The following PPP3CA variants were observed in gnomAD, a reference collection of about 807,000 sequenced individuals.
PPP3CA encodes the protein protein phosphatase 3 catalytic subunit alpha.
A neutral mutation model predicts 66.5 loss-of-function variants in PPP3CA; 14 were observed. The observed-to-expected ratio is 0.21, with a 90% confidence interval of 0.14 to 0.33. PPP3CA has a LOEUF of 0.33. PPP3CA is among the 10% of genes least tolerant of loss of function. PPP3CA has a pLI of 1.00. For synonymous variants in PPP3CA, 232 were observed against 226.2 expected, an observed-to-expected ratio of 1.03 and a Z score of -0.23; for missense variants, 317 against 639.5, an observed-to-expected ratio of 0.50 and a Z score of 5.44.
chr4:101,262,052 A>G (rs1261226281), intron 1 of PPP3CA, among the ~76,000 whole-genome samples: 1 of 152,160 alleles, frequency 6.6e-6, no homozygotes, highest in African/African-American at 2.4e-5. Flanking sequence ...GAATTATTCA[A>G]TGAATTAAAA....
chr4:101,026,067 C>A lies in PPP3CA; in HGVS notation c.1370-6G>T. 3 of 1,572,620 alleles carry A rather than the reference C, an allele frequency of 1.9e-6. No individual in the cohort carries two copies. Among genetic ancestry groups the A allele is most frequent in the East Asian group, 2.3e-5 (1 of 44,230 alleles). On this transcript the variant is annotated splice_region_variant and splice_polypyrimidine_tract_variant and intron_variant, in intron 13 of 13. Coordinates refer to ENST00000394854, the MANE Select transcript of PPP3CA (RefSeq NM_000944.5). ...TGGTGAAAATCCTTTGATAGCTAAA[C>A]AGAAAATCATTAAAAAAAGAAAACC...
At chr4:101,341,607 A>G (rs1729820483) in intron 1 of PPP3CA, among the ~76,000 whole-genome samples, 1 of 151,982 alleles carries the variant, frequency 6.6e-6, no homozygotes, top group African/African-American at 2.4e-5. Flanking sequence ...CACACTCCCC[A>G]TTTCCCATTT....
intron 3 of PPP3CA, among the ~76,000 whole-genome samples, chr4:101,105,581 C>CA (rs1730628752): frequency 6.7e-6 from 1 of 150,256 alleles, no homozygotes; most frequent in South Asian, 2.1e-4. Flanking sequence ...AGAAAAAAAA[C>CA]AAAAAACAAA....
intron 2 of PPP3CA, among the ~76,000 whole-genome samples, chr4:101,132,577 A>G (rs1256191794): frequency 6.6e-6 from 1 of 152,224 alleles, no homozygotes; most frequent in Non-Finnish European, 1.5e-5. Flanking sequence ...GAATAGACCA[A>G]TAACAAGTCT....
At chr4:101,103,030 C>T (rs1730517340) in intron 3 of PPP3CA, among the ~76,000 whole-genome samples, 1 of 141,954 alleles carries the variant, frequency 7.0e-6, no homozygotes, top group African/African-American at 2.5e-5. Context: ...ATTTTTGCCA[C>T]AGACATAGCT....
chr4:101,293,535 A>G (rs577998636), intron 1 of PPP3CA, among the ~76,000 whole-genome samples: 14 of 152,334 alleles, frequency 9.2e-5, no homozygotes, highest in African/African-American at 3.4e-4. Context: ...GGAATGGCCC[A>G]CAACTTCCCT....
chr4:101,058,649 T>C (rs923365078), intron 10 of PPP3CA, among the ~76,000 whole-genome samples: 1 of 152,200 alleles, frequency 6.6e-6, no homozygotes, highest in African/African-American at 2.4e-5. Context: ...GCACAGCACA[T>C]TGATTAGAAC....
rs193200267 is a variant in PPP3CA at position 101,311,803 on chromosome 4, T to C, written c.58+34936A>G. On this transcript the variant is annotated intron_variant, in intron 1 of 13. Transcript: ENST00000394854. ...GATACCAAAAAAATGATACCATCGC[T>C]CAGTATGATGCTGCAATTTTTCTGC... Among the ~76,000 whole-genome samples the C allele has an allele frequency of 3.7e-3, 565 of 152,242 alleles. 2 individuals carry two copies. Among genetic ancestry groups the C allele is most frequent in the Non-Finnish European group, 5.3e-3 (359 of 68,006 alleles).
intron 3 of PPP3CA, among the ~76,000 whole-genome samples, chr4:101,105,395 GA>G (rs1379900041): frequency 6.6e-6 from 1 of 151,212 alleles, no homozygotes; most frequent in Non-Finnish European, 1.5e-5. Context: ...TGGATCTCTT[GA>G]CCTCGTGATC....
chr4:101,347,336 T>TGCTGCCGCTGCC lies in PPP3CA; in HGVS notation c.-552_-541dup, dbSNP rs1156384821. ...AGGCGGCCGCCGCTGCTGCCGCTGC[T>TGCTGCCGCTGCC]GCTGCCGCTGCCGCTGTTGCTGCTG... is the stretch of plus-strand genomic sequence containing the variant. On this transcript the variant is annotated 5_prime_UTR_variant, in exon 1 of 14. Coordinates refer to ENST00000394854, the MANE Select transcript of PPP3CA (RefSeq NM_000944.5). The TGCTGCCGCTGCC allele has an allele frequency of 1.3e-4, 26 of 204,324 alleles. No homozygotes were observed. The highest frequency in any genetic ancestry group is 3.8e-4 in the Admixed American group (6 of 15,956). The allele number at this position is 204,324 out of a possible 1,614,324, so 12.7% of individuals were successfully genotyped here. A position where few individuals can be genotyped will look rare whatever the true frequency, so the allele number is the denominator to read the frequency against.
chr4:101,197,208 G>A (rs1724823083), intron 1 of PPP3CA, among the ~76,000 whole-genome samples: 1 of 152,104 alleles, frequency 6.6e-6, no homozygotes. Flanking sequence ...GAATAAACTT[G>A]GCCCTCTCCC....
rs142688704 is a variant in PPP3CA, at chr4:101,241,154, A to G, written c.59-45038T>C. Among the ~76,000 whole-genome samples the G allele has an allele frequency of 2.3e-3, 356 of 152,290 alleles. 4 individuals carry two copies. Among genetic ancestry groups the G allele is most frequent in the African/African-American group, 8.1e-3 (336 of 41,570 alleles). On this transcript the variant is annotated intron_variant, in intron 1 of 13. Transcript: ENST00000394854. ...AGTTCTGGGATTACAAGCATAAGCC[A>G]ACATGCCTGGCCAAGATACATAAGA... is the stretch of plus-strand genomic sequence containing the variant.
intron 1 of PPP3CA, among the ~76,000 whole-genome samples, chr4:101,249,790 A>G (rs994537754): frequency 5.9e-5 from 9 of 152,164 alleles, no homozygotes; most frequent in African/African-American, 2.2e-4. Flanking sequence ...GTATTATATC[A>G]TGTTTTAATA....
At chr4:101,221,621 C>A (rs1047832944) in intron 1 of PPP3CA, among the ~76,000 whole-genome samples, 2 of 151,522 alleles carry the variant, frequency 1.3e-5, no homozygotes, top group Non-Finnish European at 3.0e-5. Flanking sequence ...TTATTCTAAA[C>A]AGACTACTTT....
intron 2 of PPP3CA, among the ~76,000 whole-genome samples, chr4:101,128,594 G>A (rs1418899488): frequency 1.3e-5 from 2 of 151,640 alleles, no homozygotes; most frequent in Non-Finnish European, 2.9e-5. Context: ...AACCCACAGA[G>A]GGCAAGCAGA....
intron 2 of PPP3CA, among the ~76,000 whole-genome samples, chr4:101,145,186 G>A (rs1722931597): frequency 6.6e-6 from 1 of 152,142 alleles, no homozygotes. Context: ...TCTGCTGTTG[G>A]TGAGAATGTA....
chr4:101,124,727 G>GAAAGAAAGAA (rs1722168867), intron 2 of PPP3CA, among the ~76,000 whole-genome samples: 12 of 49,926 alleles, frequency 2.4e-4, no homozygotes, highest in African/African-American at 7.3e-4. Context: ...GAAAGAAAGA[G>GAAAGAAAGAA]AAAGAAAGAA....
At chr4:101,081,824 T>C (rs1464929597) in intron 7 of PPP3CA, among the ~76,000 whole-genome samples, 1 of 152,222 alleles carries the variant, frequency 6.6e-6, no homozygotes, top group Admixed American at 6.5e-5. Flanking sequence ...ATTCTGATTA[T>C]GGAACTGAGC....
intron 1 of PPP3CA, among the ~76,000 whole-genome samples, chr4:101,289,011 G>A (rs1333301863): frequency 6.6e-6 from 1 of 151,646 alleles, no homozygotes; most frequent in African/African-American, 2.4e-5. Flanking sequence ...AACTGCGTAG[G>A]AGGAAAAAAA....
Sources: allele counts gnomAD v4.1 joint callset (sites outside exome capture counted in the v4.1 genomes callset), GRCh38; gene constraint gnomAD v4.1.1; transcripts MANE v1.5; gene names NCBI Gene and HGNC (gene_info 2026-07-23, HGNC 2026-07-21).